The following ORC3 variants were observed in gnomAD, a reference collection of about 807,000 sequenced individuals.
The protein encoded by ORC3 is origin recognition complex subunit 3.
In ORC3, 78 loss-of-function variants were observed where a neutral mutation model predicts 100.7. That is an observed-to-expected ratio of 0.77 (90% CI 0.65 to 0.94). The LOEUF (loss-of-function observed/expected upper bound fraction) is 0.94, where lower values mean the gene tolerates loss of function less well. ORC3 is among the 40% of genes least tolerant of loss of function. ORC3 has a pLI of 0.00. For synonymous variants in ORC3, 295 were observed against 289.3 expected, an observed-to-expected ratio of 1.02 and a Z score of -0.20; for missense variants, 789 against 823.9, an observed-to-expected ratio of 0.96 and a Z score of 0.52.
At chr6:87,605,012 T>C (rs1018417392) in intron 4 of ORC3, among the ~76,000 whole-genome samples, 4 of 152,294 alleles carry the variant, frequency 2.6e-5, no homozygotes, top group African/African-American at 9.6e-5. Flanking sequence ...TCACAGATGG[T>C]TATGTTAGGG....
In ORC3 at chr6:87,634,885, A is replaced by C; in HGVS notation, c.1226A>C (p.His409Pro). Residue 409 changes from histidine (H) to proline (P), a missense_variant, in exon 12 of 20, where the codon CAT (histidine) becomes CCT (proline). By Grantham distance (77) the His-to-Pro change is moderately conservative. Coordinates refer to ENST00000392844, the MANE Select transcript of ORC3 (RefSeq NM_012381.4). ...QLLLENLHVY[H>P]MNYFLVLRCL... The stretch of plus-strand genomic sequence containing the variant: ...TTACTAGAAAACCTGCATGTTTATC[A>C]TATGAATTACTTCCTGGTTTTGAGA... 6.2e-7 allele frequency: 1 copy of C among 1,601,776 alleles called. No individual in the cohort carries two copies. Among genetic ancestry groups the C allele is most frequent in the Non-Finnish European group, 8.6e-7 (1 of 1,169,064 alleles).
intron 13 of ORC3, among the ~76,000 whole-genome samples, chr6:87,650,652 G>A (rs1053549374): frequency 3.3e-5 from 5 of 152,182 alleles, no homozygotes; most frequent in Non-Finnish European, 7.3e-5. Flanking sequence ...TTAAACAAGA[G>A]AATACTTGAG....
chr6:87,633,015 T>C lies in ORC3; in HGVS notation c.1186-1830T>C, dbSNP rs150242186. Among the ~76,000 whole-genome samples, 186 of 152,348 alleles carry C rather than the reference T, an allele frequency of 1.2e-3. No homozygotes were observed. The Middle Eastern group carries it at 0.014, about 11-fold the overall frequency. On this transcript the variant is annotated intron_variant, in intron 11 of 19. Coordinates refer to ENST00000392844, the MANE Select transcript of ORC3 (RefSeq NM_012381.4). Reference sequence around the variant, plus strand: ...GAACACTTATTCCAGGGCAGGTATGTTCCTTGAGTATGCAGTATTGCCCTA... The same window carrying C: ...GAACACTTATTCCAGGGCAGGTATGCTCCTTGAGTATGCAGTATTGCCCTA...
chr6:87,625,511 T>G (rs1196742921), intron 11 of ORC3, among the ~76,000 whole-genome samples: 1 of 152,248 alleles, frequency 6.6e-6, no homozygotes, highest in Non-Finnish European at 1.5e-5. Flanking sequence ...GAAGTGTCTG[T>G]TCATATCCTT....
intron 2 of ORC3, among the ~76,000 whole-genome samples, chr6:87,598,358 T>C (rs2128245405): frequency 6.6e-6 from 1 of 152,304 alleles, no homozygotes; most frequent in Non-Finnish European, 1.5e-5. Flanking sequence ...CTCAGCAAAC[T>C]ACAAGGAATG....
intron 9 of ORC3, among the ~76,000 whole-genome samples, chr6:87,616,987 A>G (rs971772389): frequency 2.0e-5 from 3 of 151,964 alleles, no homozygotes; most frequent in Non-Finnish European, 4.4e-5. Flanking sequence ...TAGTAGAAAC[A>G]GGGCTTCACC....
chr6:87,656,938 C>CA lies in ORC3; in HGVS notation c.1550dup (p.Pro518AlafsTer26), dbSNP rs1293587395. ...AGAGGAAGAAGATGCTTCTGGGTCA[C>CA]AGCCAAAGGGGCTTCAGAAGACAGA... On this transcript the variant is annotated frameshift_variant, in exon 15 of 20. Coordinates refer to ENST00000392844, the MANE Select transcript of ORC3 (RefSeq NM_012381.4). LOFTEE classifies it high-confidence loss of function. 1 of 1,613,168 alleles carries CA rather than the reference C, an allele frequency of 6.2e-7. No individual in the cohort carries two copies. The highest frequency in any genetic ancestry group is 8.5e-7 in the Non-Finnish European group (1 of 1,179,336).
At chr6:87,644,859 A>AT (rs1309240110) in intron 13 of ORC3, among the ~76,000 whole-genome samples, 1 of 152,078 alleles carries the variant, frequency 6.6e-6, no homozygotes, top group African/African-American at 2.4e-5. Flanking sequence ...AAAAAAAAAA[A>AT]ATTGCATCAA....
chr6:87,633,376 G>A (rs1165314055), intron 11 of ORC3, among the ~76,000 whole-genome samples: 1 of 152,154 alleles, frequency 6.6e-6, no homozygotes, highest in African/African-American at 2.4e-5. Flanking sequence ...TTTTGATTAT[G>A]GCTACTTTTG....
At chr6:87,638,834 C>T (rs930296961) in intron 13 of ORC3, among the ~76,000 whole-genome samples, 1 of 151,902 alleles carries the variant, frequency 6.6e-6, no homozygotes, top group African/African-American at 2.4e-5. Context: ...ATGGTGTGTC[C>T]TGTTTTTTAA....
At chr6:87,663,186 C>G (rs1412338512) in intron 17 of ORC3, 42 bp downstream of exon 17, 1 of 1,505,030 alleles carries the variant, frequency 6.6e-7, no homozygotes, top group East Asian at 2.3e-5. Flanking sequence ...AGCTCAGACT[C>G]TGGGCGTCAT....
At chr6:87,609,428 C>T (rs1778586063) in intron 7 of ORC3, 199 bp downstream of exon 7, 3 of 454,922 alleles carry the variant, frequency 6.6e-6, no homozygotes, top group Middle Eastern at 5.8e-4. Flanking sequence ...ATCAAAGGCA[C>T]ATTTAGCCAG....
intron 5 of ORC3, 141 bp from the exon 6 acceptor site, chr6:87,607,532 C>A: frequency 1.7e-6 from 1 of 592,056 alleles, no homozygotes; most frequent in Middle Eastern, 4.6e-4. Flanking sequence ...TTAAATGTTA[C>A]ATTAGCTGTA....
chr6:87,606,687 G>A (rs115856053), intron 5 of ORC3, among the ~76,000 whole-genome samples: 302 of 152,072 alleles, frequency 2.0e-3, no homozygotes, highest in African/African-American at 7.0e-3. Context: ...ATGCCATTAC[G>A]CTCAGCTACA....
chr6:87,677,345 C>A, the ORC3 span, among the ~76,000 whole-genome samples: 1 of 152,088 alleles, frequency 6.6e-6, no homozygotes, highest in Non-Finnish European at 1.5e-5. Context: ...AACAGTAAAT[C>A]TGTGGCTAAA....
chr6:87,653,145 T>C lies in ORC3; in HGVS notation c.1412T>C (p.Ile471Thr), dbSNP rs1562376333. Reference protein sequence around the residue: ...RMLAKDELMTILEKCFKVFKS... With the variant: ...RMLAKDELMTTLEKCFKVFKS... ...TTGGCAAAGGATGAACTGATGACCA[T>C]ACTTGAGAAATGTTTCAAGGTTTTT... The change falls in exon 14 of 20, where the codon ATA becomes ACA. Residue 471 changes from isoleucine (I) to threonine (T), a missense_variant. Physicochemically the swap from Ile to Thr is moderately conservative, Grantham distance 89 (BLOSUM62 -1). Coordinates refer to ENST00000392844, the MANE Select transcript of ORC3 (RefSeq NM_012381.4). 2 of 1,613,586 alleles carry C rather than the reference T, an allele frequency of 1.2e-6. No individual in the cohort carries two copies. Among genetic ancestry groups the C allele is most frequent in the Admixed American group, 1.7e-5 (1 of 60,028 alleles).
downstream of ORC3, among the ~76,000 whole-genome samples, chr6:87,669,714 T>C (rs1271645910): frequency 1.3e-5 from 2 of 152,248 alleles, no homozygotes; most frequent in African/African-American, 4.8e-5. Flanking sequence ...CTTCTTCTAG[T>C]CTTGCCTCCA....
the ORC3 span, chr6:87,677,678 A>G: frequency 4.7e-6 from 5 of 1,064,792 alleles, no homozygotes; most frequent in Non-Finnish European, 6.7e-6. Context: ...AAGAAGGTTA[A>G]TTTTCTTTCC....
intron 3 of ORC3, among the ~76,000 whole-genome samples, chr6:87,602,608 C>T (rs190028849): frequency 1.7e-3 from 260 of 152,122 alleles, no homozygotes; most frequent in African/African-American, 6.0e-3. Context: ...AAGGCTCATT[C>T]ACGTATTCCA....
Sources: gnomAD v4.1 joint callset for allele counts (sites outside exome capture counted in the v4.1 genomes callset) on GRCh38, gnomAD v4.1.1 for gene constraint, MANE v1.5 for transcripts, NCBI Gene and HGNC (gene_info 2026-07-23, HGNC 2026-07-21) for gene names.